The following MACROD2 variants were observed in gnomAD, a reference collection of about 807,000 sequenced individuals.
The protein encoded by MACROD2 is ADP-ribose glycohydrolase MACROD2.
MACROD2 carries 36 observed loss-of-function variants against 70.4 expected under a neutral mutation model. The ratio of observed to expected loss-of-function variants is 0.51; its 90% confidence interval spans 0.39 to 0.68. The LOEUF is 0.68. Ranked by LOEUF, MACROD2 falls within the 30% of genes least tolerant of loss-of-function variation. The pLI is 0.00. For synonymous variants in MACROD2, 172 were observed against 178.8 expected (o/e 0.96, Z 0.30); for missense variants, 496 against 538.4 (o/e 0.92, Z 0.78).
chr20:15,823,747 A>T (rs564066266), intron 8 of MACROD2, among the ~76,000 whole-genome samples: 20 of 152,236 alleles, frequency 1.3e-4, no homozygotes, highest in African/African-American at 4.6e-4. Flanking sequence ...TCAAATGTAC[A>T]TATGGCTGTG....
chr20:15,017,878 A>T (rs959477105), intron 5 of MACROD2, among the ~76,000 whole-genome samples: 1 of 152,200 alleles, frequency 6.6e-6, no homozygotes, highest in African/African-American at 2.4e-5. Context: ...TGCACACAGC[A>T]TGGGGACCCT....
intron 8 of MACROD2, among the ~76,000 whole-genome samples, chr20:15,502,805 G>A (rs1404329157): frequency 2.6e-5 from 4 of 152,166 alleles, no homozygotes; most frequent in African/African-American, 9.7e-5. Context: ...ATCACAAACA[G>A]CAAAGGTATG....
chr20:14,211,212 C>T (rs73264820), intron 3 of MACROD2, among the ~76,000 whole-genome samples: 1,527 of 152,304 alleles, frequency 0.01, 29 homozygotes, highest in African/African-American at 0.036. Flanking sequence ...AGAGTCAGAA[C>T]TGGGCTCAGA....
chr20:14,976,565 T>G (rs939127365), intron 5 of MACROD2, among the ~76,000 whole-genome samples: 7 of 152,138 alleles, frequency 4.6e-5, no homozygotes, highest in Non-Finnish European at 8.8e-5. Flanking sequence ...CAGTGTCCCT[T>G]TCGCATATAA....
chr20:15,359,378 C>A (rs986411952), intron 6 of MACROD2, among the ~76,000 whole-genome samples: 13 of 151,722 alleles, frequency 8.6e-5, no homozygotes, highest in Non-Finnish European at 1.6e-4. Flanking sequence ...CTAGGAGAAT[C>A]AATTATATTA....
At chr20:14,742,967 C>A (rs1192025802) in intron 5 of MACROD2, among the ~76,000 whole-genome samples, 1 of 151,708 alleles carries the variant, frequency 6.6e-6, no homozygotes, top group East Asian at 1.9e-4. Flanking sequence ...GGGGTTTCAC[C>A]GTTTTAGCCG....
intron 8 of MACROD2, among the ~76,000 whole-genome samples, chr20:15,827,802 A>G (rs1185160211): frequency 6.6e-6 from 1 of 152,214 alleles, no homozygotes; most frequent in Admixed American, 6.5e-5. Flanking sequence ...TGCATAGGGC[A>G]TTGTGGTAGA....
chr20:15,894,071 G>A (rs2064932344), intron 10 of MACROD2: 1 of 393,958 alleles, frequency 2.5e-6, no homozygotes, highest in Admixed American at 3.0e-5. Flanking sequence ...GCAGGAACAT[G>A]ATGCCACAGG....
chr20:15,874,332 G>T (rs1284937183), intron 9 of MACROD2, among the ~76,000 whole-genome samples: 1 of 152,004 alleles, frequency 6.6e-6, no homozygotes, highest in Non-Finnish European at 1.5e-5. Flanking sequence ...CATTTGGGTT[G>T]GTTCCAAGTC....
At chr20:14,261,204 A>G (rs532781080) in intron 3 of MACROD2, among the ~76,000 whole-genome samples, 28 of 152,322 alleles carry the variant, frequency 1.8e-4, no homozygotes, top group African/African-American at 6.3e-4. Flanking sequence ...AGAGAAAAAA[A>G]GGGGAAGCTA....
intron 10 of MACROD2, among the ~76,000 whole-genome samples, chr20:15,891,156 T>A (rs1209496343): frequency 6.6e-6 from 1 of 152,140 alleles, no homozygotes; most frequent in Non-Finnish European, 1.5e-5. Context: ...TCTAGGGAGT[T>A]GAATTTGATC....
At chr20:16,046,699 G>A (rs1317541652) in intron 17 of MACROD2, among the ~76,000 whole-genome samples, 1 of 22,940 alleles carries the variant, frequency 4.4e-5, no homozygotes, top group African/African-American at 1.8e-4. Context: ...TTTTTTTTTT[G>A]AGACAGAGTC....
At chr20:14,588,571 C>T (rs1465063089) in intron 4 of MACROD2, among the ~76,000 whole-genome samples, 4 of 152,058 alleles carry the variant, frequency 2.6e-5, no homozygotes. Flanking sequence ...CAGTGGCGTG[C>T]GATCTCAGCT....
chr20:15,988,556 C>G (rs1389417171), intron 15 of MACROD2, among the ~76,000 whole-genome samples: 2 of 152,068 alleles, frequency 1.3e-5, no homozygotes, highest in Non-Finnish European at 2.9e-5. Flanking sequence ...TCTCCCAGAG[C>G]CTTCCCAAGC....
chr20:15,157,467 A>G (rs2076317500), intron 5 of MACROD2, among the ~76,000 whole-genome samples: 1 of 151,592 alleles, frequency 6.6e-6, no homozygotes, highest in Non-Finnish European at 1.5e-5. Context: ...AGCCATAAAA[A>G]TGGTTATGTG....
intron 5 of MACROD2, among the ~76,000 whole-genome samples, chr20:15,187,278 C>A (rs775522478): frequency 6.3e-4 from 96 of 152,178 alleles, no homozygotes; most frequent in Non-Finnish European, 1.5e-4. Flanking sequence ...TTCTGTGATA[C>A]TTGTTTTCAG....
chr20:15,840,673 A>T (rs1348172236), intron 8 of MACROD2, among the ~76,000 whole-genome samples: 1 of 152,186 alleles, frequency 6.6e-6, no homozygotes, highest in African/African-American at 2.4e-5. Flanking sequence ...AAATAAAAGA[A>T]TTCCATGACT....
At chr20:14,356,838 GC>G (rs1456021155) in intron 3 of MACROD2, among the ~76,000 whole-genome samples, 2 of 152,120 alleles carry the variant, frequency 1.3e-5, no homozygotes, top group African/African-American at 2.4e-5. Flanking sequence ...CTCACGCACG[GC>G]TGGCATATTG....
At chr20:15,057,470 A>AGGCCAAGCTGCATCTCAAGGGTT (rs2075495876) in intron 5 of MACROD2, among the ~76,000 whole-genome samples, 3 of 152,200 alleles carry the variant, frequency 2.0e-5, no homozygotes, top group Non-Finnish European at 4.4e-5. Flanking sequence ...GCAAATGAGC[A>AGGCCAAGCTGCATCTCAAGGGTT]GGCCAAGCTG....
Sources: gnomAD v4.1 joint callset for allele counts (sites outside exome capture counted in the v4.1 genomes callset) on GRCh38, gnomAD v4.1.1 for gene constraint, MANE v1.5 for transcripts, NCBI Gene and HGNC (gene_info 2026-07-23, HGNC 2026-07-21) for gene names.